Variants in AGTPBP1 observed in about 807,000 individuals in gnomAD.
AGTPBP1 encodes the protein ATP/GTP binding carboxypeptidase 1.
In AGTPBP1, 70 loss-of-function variants were observed where a neutral mutation model predicts 143.9. That is an observed-to-expected ratio of 0.49 (90% CI 0.40 to 0.59). The LOEUF is 0.59. AGTPBP1 is among the 20% of genes least tolerant of loss of function. The probability of loss-of-function intolerance (pLI) is 0.00; values close to 1 mark genes in which losing one functional copy is unlikely to be tolerated. For missense variants in AGTPBP1, 1,229 were observed against 1,464.5 expected, an observed-to-expected ratio of 0.84 and a Z score of 2.62; for synonymous variants, 463 against 500.2, an observed-to-expected ratio of 0.93 and a Z score of 0.99.
chr9:85,637,196 C>G (rs551768378), intron 13 of AGTPBP1, among the ~76,000 whole-genome samples: 1 of 152,112 alleles, frequency 6.6e-6, no homozygotes, highest in South Asian at 2.1e-4. Context: ...TGCCCATCAC[C>G]ATGCCCAGCT....
At chr9:85,599,800 C>T (rs1233766683) in intron 17 of AGTPBP1, among the ~76,000 whole-genome samples, 1 of 152,214 alleles carries the variant, frequency 6.6e-6, no homozygotes, top group Non-Finnish European at 1.5e-5. Context: ...CTTCAAAAGA[C>T]ATTTGGATGT....
chr9:85,592,148 G>A (rs1294064763), intron 19 of AGTPBP1, among the ~76,000 whole-genome samples: 1 of 151,376 alleles, frequency 6.6e-6, no homozygotes, highest in Non-Finnish European at 1.5e-5. Flanking sequence ...TGAGATTCTG[G>A]TTAAACATGC....
chr9:85,731,385 G>A (rs564894838), intron 1 of AGTPBP1, among the ~76,000 whole-genome samples: 1 of 152,206 alleles, frequency 6.6e-6, no homozygotes, highest in African/African-American at 2.4e-5. Flanking sequence ...AATGTACAAT[G>A]GTGCAATTAC....
At chr9:85,656,695 A>G (rs1833532625) in intron 10 of AGTPBP1, among the ~76,000 whole-genome samples, 1 of 152,170 alleles carries the variant, frequency 6.6e-6, no homozygotes, top group African/African-American at 2.4e-5. Flanking sequence ...CACTAAATAC[A>G]CTGTCAAAAA....
intron 17 of AGTPBP1, among the ~76,000 whole-genome samples, chr9:85,602,589 A>G (rs1210448499): frequency 6.6e-6 from 1 of 152,242 alleles, no homozygotes; most frequent in African/African-American, 2.4e-5. Flanking sequence ...ATTTAACAAA[A>G]TAAACAGCTG....
chr9:85,791,794 A>T, the AGTPBP1 span, among the ~76,000 whole-genome samples: 2 of 151,806 alleles, frequency 1.3e-5, no homozygotes, highest in African/African-American at 4.8e-5. Flanking sequence ...ATATTTTTAT[A>T]CTGGTTCCTT....
chr9:85,665,243 T>C (rs901343313), intron 8 of AGTPBP1, among the ~76,000 whole-genome samples: 4 of 152,194 alleles, frequency 2.6e-5, no homozygotes, highest in Middle Eastern at 3.4e-3. Flanking sequence ...GAGAAGACAA[T>C]GTGAAGACAA....
intron 9 of AGTPBP1, among the ~76,000 whole-genome samples, chr9:85,658,597 C>T (rs930511481): frequency 3.9e-5 from 6 of 152,036 alleles, no homozygotes; most frequent in African/African-American, 1.4e-4. Flanking sequence ...ATCTCAAATA[C>T]ACCTATAAAA....
In AGTPBP1 at chr9:85,572,004, G is replaced by GTTTTTTTTTTTTTTTTTT. The variant is rs55882437; in HGVS notation, c.3503+3293_3503+3310dup. On this transcript the variant is annotated intron_variant, in intron 25 of 25. Coordinates refer to ENST00000357081, the MANE Select transcript of AGTPBP1 (RefSeq NM_001330701.2). The stretch of plus-strand genomic sequence containing the variant: ...TGGCCATTATTAGTTGTTTGTGTGT[G>GTTTTTTTTTTTTTTTTTT]TTTTTTTTTTTTTTTTTTTTTTTTT... Among the ~76,000 whole-genome samples, 9 of 43,494 alleles carry GTTTTTTTTTTTTTTTTTT rather than the reference G, an allele frequency of 2.1e-4. 3 individuals are homozygous for GTTTTTTTTTTTTTTTTTT. The highest frequency in any genetic ancestry group is 3.3e-4 in the Admixed American group (1 of 3,038). 28.5% of individuals were successfully genotyped at this position (43,494 alleles called of 152,430 possible). A position where few individuals can be genotyped will look rare whatever the true frequency, so the allele number is the denominator to read the frequency against.
intron 25 of AGTPBP1, among the ~76,000 whole-genome samples, chr9:85,572,520 T>C (rs1299416273): frequency 6.6e-6 from 1 of 152,176 alleles, no homozygotes; most frequent in African/African-American, 2.4e-5. Context: ...ATCAAAATGT[T>C]AAAAACATAT....
chr9:85,712,951 C>T (rs1837475754), intron 1 of AGTPBP1, among the ~76,000 whole-genome samples: 1 of 152,192 alleles, frequency 6.6e-6, no homozygotes, highest in Non-Finnish European at 1.5e-5. Flanking sequence ...GTACACCATT[C>T]ACACAGTAGT....
At chr9:85,602,644 G>GC (rs1467381711) in intron 17 of AGTPBP1, among the ~76,000 whole-genome samples, 2 of 151,994 alleles carry the variant, frequency 1.3e-5, no homozygotes, top group Non-Finnish European at 2.9e-5. Flanking sequence ...AGTGATCACC[G>GC]CCCCCCACTC....
the AGTPBP1 span, among the ~76,000 whole-genome samples, chr9:85,796,089 G>A: frequency 6.6e-6 from 1 of 151,968 alleles, no homozygotes; most frequent in African/African-American, 2.4e-5. Flanking sequence ...ATCCTTTCAA[G>A]GGAGGTCAAG....
At chr9:85,802,368 TC>T in the AGTPBP1 span, among the ~76,000 whole-genome samples, 1 of 152,106 alleles carries the variant, frequency 6.6e-6, no homozygotes, top group African/African-American at 2.4e-5. Flanking sequence ...CCTGGTCAAA[TC>T]TCAGTCCTGG....
intron 24 of AGTPBP1, among the ~76,000 whole-genome samples, chr9:85,578,671 T>C (rs963869399): frequency 6.6e-6 from 1 of 152,180 alleles, no homozygotes; most frequent in African/African-American, 2.4e-5. Flanking sequence ...CTAAAAATTA[T>C]GAATATAAAC....
At position 85,578,925 on chromosome 9, in the gene AGTPBP1, A is replaced by C; in HGVS notation, c.3337T>G (p.Tyr1113Asp). 4 of 1,612,606 alleles carry C rather than the reference A, an allele frequency of 2.5e-6. No individual in the cohort carries two copies. The highest frequency in any genetic ancestry group is 3.4e-6 in the Non-Finnish European group (4 of 1,179,456). The change falls in exon 24 of 26, where the codon TAC (tyrosine) becomes GAC (aspartate). Residue 1113 changes from tyrosine (Y) to aspartate (D), a missense_variant. Tyr to Asp is a radical substitution (Grantham distance 160, BLOSUM62 -3). Around this residue, in one of 2 missense-constraint regions of AGTPBP1, gnomAD observed 486 missense variants for 652.3 expected, o/e 0.75. Transcript: ENST00000357081. The stretch of plus-strand genomic sequence containing the variant: ...GAAAACCTAAGATGTTTTACCTTGT[A>C]TTTTCCCTGATCACAGCCACATAAA... ...STLCGCDQGK[Y>D]KGLQIGTREL...
At chr9:85,712,858 A>T (rs985820104) in intron 1 of AGTPBP1, among the ~76,000 whole-genome samples, 3 of 152,202 alleles carry the variant, frequency 2.0e-5, no homozygotes, top group African/African-American at 7.2e-5. Context: ...CTTTTGAGAC[A>T]GTTCAAATTA....
chr9:85,797,885 T>A, the AGTPBP1 span, among the ~76,000 whole-genome samples: 5 of 152,112 alleles, frequency 3.3e-5, no homozygotes. Flanking sequence ...ATCCCATGTT[T>A]TTCTGTTTCT....
the AGTPBP1 span, chr9:85,764,586 A>G: frequency 0.024 from 13,141 of 551,600 alleles, 1,013 homozygotes; most frequent in African/African-American, 0.2. Context: ...ATGGGAGAAA[A>G]CAATAATGTA....
Sources: allele counts gnomAD v4.1 joint callset (sites outside exome capture counted in the v4.1 genomes callset), GRCh38; gene constraint gnomAD v4.1.1; regional missense constraint gnomAD v4.1.1; transcripts MANE v1.5; gene names NCBI Gene and HGNC (gene_info 2026-07-23, HGNC 2026-07-21).